Variants in OTOF observed in about 807,000 individuals in gnomAD.
The protein encoded by OTOF is otoferlin.
OTOF carries 218 observed loss-of-function variants against 236.8 expected under a neutral mutation model. The ratio of observed to expected loss-of-function variants is 0.92; its 90% CI spans 0.82 to 1.03. The LOEUF is 1.03. Ranked by LOEUF, OTOF falls within the 50% of genes least tolerant of loss-of-function variation. The pLI, the probability that OTOF is intolerant of heterozygous loss-of-function variation, is 0.00. For synonymous variants in OTOF, 1,041 were observed against 1,072.5 expected (o/e 0.97, Z 0.57); for missense variants, 2,590 against 2,694.4 (o/e 0.96, Z 0.86).
chr2:26,556,567 C>T (rs1667589919), intron 1 of OTOF, among the ~76,000 whole-genome samples: 1 of 152,108 alleles, frequency 6.6e-6, no homozygotes, highest in South Asian at 2.1e-4. Context: ...TAAACTAATT[C>T]CTGTGTGGTC....
At chr2:26,499,906 G>A (rs1041533920) in intron 8 of OTOF, among the ~76,000 whole-genome samples, 7 of 152,170 alleles carry the variant, frequency 4.6e-5, no homozygotes, top group Non-Finnish European at 8.8e-5. Flanking sequence ...TGAACTTGTC[G>A]GGAAACACTA....
chr2:26,510,910 G>A (rs1290397615), intron 5 of OTOF, among the ~76,000 whole-genome samples: 2 of 152,232 alleles, frequency 1.3e-5, no homozygotes, highest in African/African-American at 4.8e-5. Context: ...AGCAAGCCTA[G>A]GTCTGCAGAA....
At chr2:26,557,507 G>T (rs550767196) in intron 1 of OTOF, among the ~76,000 whole-genome samples, 3 of 152,110 alleles carry the variant, frequency 2.0e-5, no homozygotes, top group African/African-American at 7.2e-5. Context: ...GTCCAGCCTC[G>T]CCTCCTTGCC....
At chr2:26,479,181 C>T in intron 18 of OTOF, 83 bp downstream of exon 18, 1 of 1,526,786 alleles carries the variant, frequency 6.5e-7, no homozygotes, top group Non-Finnish European at 8.8e-7. Flanking sequence ...GGCAGACCAG[C>T]TTTGTGTGTT....
chr2:26,510,832 C>T (rs1378056894), intron 5 of OTOF: 2 of 836,226 alleles, frequency 2.4e-6, no homozygotes, highest in Non-Finnish European at 3.4e-6. Flanking sequence ...GCCCCGGCCC[C>T]ACGGGCCTGC....
chr2:26,523,100 C>T (rs757743661), intron 3 of OTOF, among the ~76,000 whole-genome samples: 4 of 152,218 alleles, frequency 2.6e-5, no homozygotes, highest in East Asian at 3.9e-4. Context: ...CTGGGCCCTG[C>T]GAGGCCTCTC....
rs1193092908 is a variant in OTOF at position 26,463,938 on chromosome 2, C to T, written c.5103+26G>A. 5 of 1,613,606 alleles carry T rather than the reference C, an allele frequency of 3.1e-6. No individual in the cohort carries two copies. The Admixed American group carries it at 6.7e-5, about 22-fold the overall frequency. On this transcript the variant is annotated intron_variant, in intron 40 of 46. Coordinates refer to ENST00000272371, the MANE Select transcript of OTOF (RefSeq NM_194248.3). Reference sequence around the variant, plus strand: ...TCCCTGGTCCCCAATACCCAAGAACCCCAGTCTTGGCCATGCAAGTGTCAC... The same window carrying T: ...TCCCTGGTCCCCAATACCCAAGAACTCCAGTCTTGGCCATGCAAGTGTCAC...
At chr2:26,482,757 G>A (rs551113440) in intron 13 of OTOF, among the ~76,000 whole-genome samples, 165 bp from the exon 14 acceptor site, 8 of 151,182 alleles carry the variant, frequency 5.3e-5, no homozygotes, top group South Asian at 2.1e-4. Flanking sequence ...GTGTGAGTGG[G>A]TGCATGTGTG....
rs111033342 is a variant in OTOF at position 26,467,234 on chromosome 2, C to A, written c.4228-1G>T. The A allele has an allele frequency of 8.1e-6, 13 of 1,614,164 alleles. No homozygotes were observed. The highest frequency in any genetic ancestry group is 1.1e-5 in the Non-Finnish European group (13 of 1,180,038). ...CGGACTCCAGCTCTTTGGGGTATAC[C>A]TGAGACAGACCAGGCTGTTAGGGGG... On this transcript the variant is annotated splice_acceptor_variant, in intron 34 of 46. Coordinates refer to ENST00000272371, the MANE Select transcript of OTOF (RefSeq NM_194248.3). LOFTEE classifies it high-confidence loss of function.
intron 8 of OTOF, among the ~76,000 whole-genome samples, chr2:26,497,928 T>C (rs959572579): frequency 6.6e-6 from 1 of 152,228 alleles, no homozygotes; most frequent in African/African-American, 2.4e-5. Flanking sequence ...GAACCCTTTT[T>C]TGCCAAAGAT....
rs1482213818 is a variant in OTOF at position 26,477,626 on chromosome 2, A to C, written c.2315+23T>G. On this transcript the variant is annotated intron_variant, in intron 19 of 46. Coordinates refer to ENST00000272371, the MANE Select transcript of OTOF (RefSeq NM_194248.3). This position sits in a 1 kb window ranked among gnomAD's most constrained non-coding sequence, Gnocchi z 4.7. ...TCCAGTTCCGCCTCATCCTCCCCCCACCTGCCGCCCCTCCCTTCTCACCAG... is the reference window on the plus strand; with the variant it reads ...TCCAGTTCCGCCTCATCCTCCCCCCCCCTGCCGCCCCTCCCTTCTCACCAG... The C allele has an allele frequency of 6.2e-7, 1 of 1,610,988 alleles. No homozygotes were observed. The highest frequency in any genetic ancestry group is 1.3e-5 in the African/African-American group (1 of 74,714).
Position 26,516,592 on chromosome 2 carries a change from A to G in OTOF, c.335T>C (p.Leu112Pro). The change falls in exon 5 of 47, where the codon CTG becomes CCG. Residue 112 changes from leucine (L) to proline (P), a missense_variant. By Grantham distance (98) the Leu-to-Pro change is moderately conservative. Around this residue, in one of 2 missense-constraint regions of OTOF, gnomAD observed 1,379 missense variants for 1,341.6 expected, o/e 1.03. Coordinates refer to ENST00000272371, the MANE Select transcript of OTOF (RefSeq NM_194248.3). ...DDNNAIIKTS[L>P]CVEVRYQATD... ...GGCCTGATACCGGACCTCCACGCACAGGCTGGTCTGAAGGGAGGGAGGCGG... is the reference window on the plus strand; with the variant it reads ...GGCCTGATACCGGACCTCCACGCACGGGCTGGTCTGAAGGGAGGGAGGCGG... The G allele has an allele frequency of 6.2e-7, 1 of 1,605,760 alleles. No homozygotes were observed. The highest frequency in any genetic ancestry group is 1.3e-5 in the African/African-American group (1 of 75,008).
In OTOF at chr2:26,474,126, C is replaced by T; in HGVS notation, c.3289-16G>A. 1 of 1,612,674 alleles carries T rather than the reference C, an allele frequency of 6.2e-7. No individual in the cohort carries two copies. The highest frequency in any genetic ancestry group is 8.5e-7 in the Non-Finnish European group (1 of 1,179,808). ...CTGGTCCAATCTGGGGAATGGGGGT[C>T]ACAGGTCACACACTGGGGAGCCCAG... On this transcript the variant is annotated splice_polypyrimidine_tract_variant and intron_variant, in intron 26 of 46. Coordinates refer to ENST00000272371, the MANE Select transcript of OTOF (RefSeq NM_194248.3).
chr2:26,465,552 C>A, intron 38 of OTOF, 120 bp downstream of exon 38: 2 of 1,079,204 alleles, frequency 1.9e-6, no homozygotes, highest in Non-Finnish European at 2.8e-6. Flanking sequence ...GGGGCAGAGG[C>A]CTGGCCTGGG....
At chr2:26,464,191 G>A (rs1664619437) in intron 39 of OTOF, 85 bp from the exon 40 acceptor site, 1 of 1,540,076 alleles carries the variant, frequency 6.5e-7, no homozygotes. Flanking sequence ...GGAGCACAAA[G>A]AAGCCTCTAT....
In OTOF at chr2:26,473,726, AG is replaced by A. The variant is rs1187832895; in HGVS notation, c.3409-160del. Among the ~76,000 whole-genome samples, 1 of 151,906 alleles carries A rather than the reference AG, an allele frequency of 6.6e-6. No individual in the cohort carries two copies. The highest frequency in any genetic ancestry group is 1.9e-4 in the East Asian group (1 of 5,164). ...GGGAGCAGGGCCAGGAGAGCAGAGG[AG>A]GGGCAGGCGTTCTCCAGGGATGAGG... On this transcript the variant is annotated intron_variant, in intron 27 of 46. Coordinates refer to ENST00000272371, the MANE Select transcript of OTOF (RefSeq NM_194248.3). This position sits in a 1 kb window ranked among gnomAD's most constrained non-coding sequence, Gnocchi z 7.2.
chr2:26,519,641 G>T (rs1247066699), intron 3 of OTOF, among the ~76,000 whole-genome samples: 3 of 152,206 alleles, frequency 2.0e-5, no homozygotes, highest in African/African-American at 7.2e-5. Flanking sequence ...GGGAGAGGCG[G>T]TGCAATGCTT....
rs202075869 is a variant in OTOF at position 26,527,790 on chromosome 2, G to A, written c.227+42C>T. On this transcript the variant is annotated intron_variant, in intron 3 of 46. Transcript: ENST00000272371. ...GCCCAAGGAGAAGAGCAGGCTCCCA[G>A]CCCGTCCAGGCCCAGCCCCTCCTGC... The A allele has an allele frequency of 5.0e-4, 716 of 1,433,730 alleles. 1 individual carries two copies. The highest frequency in any genetic ancestry group is 5.0e-4 in the Non-Finnish European group (505 of 1,015,556). 88.8% of individuals were successfully genotyped at this position (1,433,730 alleles called of 1,614,324 possible). A position where few individuals can be genotyped will look rare whatever the true frequency, so the allele number is the denominator to read the frequency against.
At position 26,503,798 on chromosome 2, in the gene OTOF, G is replaced by C; in HGVS notation, c.557C>G (p.Ser186Cys). 6.2e-7 allele frequency: 1 copy of C among 1,614,100 alleles called. No individual in the cohort carries two copies. The highest frequency in any genetic ancestry group is 1.3e-5 in the African/African-American group (1 of 75,066). Residue 186 changes from serine to cysteine, a missense_variant, in exon 6 of 47, where the codon TCT becomes TGT. Around this residue, in one of 2 missense-constraint regions of OTOF, gnomAD observed 1,379 missense variants for 1,341.6 expected, o/e 1.03. Coordinates refer to ENST00000272371, the MANE Select transcript of OTOF (RefSeq NM_194248.3). ...TGGTCTTTGGGGCTCCTCCTTGTGA[G>C]ACCGGTTTTTGCCGAGCTTCATGGC... ...FSAMKLGKNRSHKEEPQRPDE... is the reference protein window; with the variant it reads ...FSAMKLGKNRCHKEEPQRPDE...
Sources: allele counts gnomAD v4.1 joint callset (sites outside exome capture counted in the v4.1 genomes callset), GRCh38; gene constraint gnomAD v4.1.1; regional missense constraint gnomAD v4.1.1; non-coding constraint Gnocchi (gnomAD v3.1); transcripts MANE v1.5; gene names NCBI Gene and HGNC (gene_info 2026-07-23, HGNC 2026-07-21).